Variants in SENP6 observed in about 807,000 individuals in gnomAD.
SENP6 encodes sentrin-specific protease 6.
In SENP6, 41 loss-of-function variants were observed where a neutral mutation model predicts 134.5. The ratio of observed to expected loss-of-function variants is 0.30; its 90% confidence interval spans 0.24 to 0.40. The LOEUF (loss-of-function observed/expected upper bound fraction) is 0.40. Ranked by LOEUF, SENP6 falls within the 10% of genes least tolerant of loss-of-function variation. The pLI is 1.00. For synonymous variants in SENP6, 395 were observed against 429.8 expected, an observed-to-expected ratio of 0.92 and a Z score of 1.00; for missense variants, 1,248 against 1,312.5, an observed-to-expected ratio of 0.95 and a Z score of 0.76.
intron 11 of SENP6, among the ~76,000 whole-genome samples, chr6:75,673,026 A>G (rs2149875182): frequency 6.6e-6 from 1 of 152,124 alleles, no homozygotes; most frequent in South Asian, 2.1e-4. Flanking sequence ...ACGGGGTTTC[A>G]CTGTGTTAGC....
At chr6:75,605,708 T>A (rs1385472667) in intron 1 of SENP6, among the ~76,000 whole-genome samples, 3 of 152,114 alleles carry the variant, frequency 2.0e-5, no homozygotes, top group Non-Finnish European at 1.5e-5. Flanking sequence ...TCATGCAGGA[T>A]CATGAATAAT....
chr6:75,692,745 T>C (rs1774365295), intron 16 of SENP6, among the ~76,000 whole-genome samples: 1 of 149,342 alleles, frequency 6.7e-6, no homozygotes, highest in Admixed American at 6.7e-5. Context: ...ATCCCACTCC[T>C]CCCTCACACC....
chr6:75,702,487 G>A (rs1204633083), intron 18 of SENP6, among the ~76,000 whole-genome samples, 158 bp from the exon 19 acceptor site: 2 of 151,964 alleles, frequency 1.3e-5, no homozygotes, highest in African/African-American at 4.8e-5. Flanking sequence ...CAAAGTGCTG[G>A]GATTACTGGC....
At chr6:75,608,401 G>A (rs1344247377) in intron 1 of SENP6, among the ~76,000 whole-genome samples, 1 of 152,028 alleles carries the variant, frequency 6.6e-6, no homozygotes, top group African/African-American at 2.4e-5. Flanking sequence ...CCAGGAGGTT[G>A]AGGCTGCAAT....
chr6:75,646,894 T>C (rs908919760), intron 6 of SENP6: 3 of 152,212 alleles, frequency 2.0e-5, no homozygotes, highest in African/African-American at 7.2e-5. Flanking sequence ...TTTTCTTTTG[T>C]TATTTTCATA....
At chr6:75,698,598 TA>T (rs569737421) in intron 18 of SENP6, among the ~76,000 whole-genome samples, 68 of 152,282 alleles carry the variant, frequency 4.5e-4, no homozygotes, top group African/African-American at 1.6e-3. Flanking sequence ...GCCTCCCAAG[TA>T]GCTGGGATTA....
rs370379424 is a variant in SENP6, at chr6:75,627,006, C to T, written c.207+3046C>T. Among the ~76,000 whole-genome samples the T allele has an allele frequency of 3.8e-4, 58 of 151,896 alleles. No individual in the cohort carries two copies. The Middle Eastern group carries it at 0.014, about 36-fold the overall frequency. On this transcript the variant is annotated intron_variant, in intron 3 of 23. Coordinates refer to ENST00000447266, the MANE Select transcript of SENP6 (RefSeq NM_015571.4). Reference sequence around the variant, plus strand: ...TTGAGACTGAGTCTCACTCTGTTGCCCAGGTTGGAGTGCATGGTGCGATAT... The same window carrying T: ...TTGAGACTGAGTCTCACTCTGTTGCTCAGGTTGGAGTGCATGGTGCGATAT...
chr6:75,607,466 G>T (rs563575762), intron 1 of SENP6, among the ~76,000 whole-genome samples: 3 of 151,932 alleles, frequency 2.0e-5, no homozygotes, highest in Admixed American at 2.0e-4. Flanking sequence ...TTTTCACTCT[G>T]GGGGCTCTAA....
chr6:75,704,845 C>A (rs1466586129), intron 19 of SENP6, among the ~76,000 whole-genome samples: 2 of 152,220 alleles, frequency 1.3e-5, no homozygotes, highest in East Asian at 3.9e-4. Flanking sequence ...ACCGAGCATA[C>A]TGCTTGTAAA....
At chr6:75,607,467 G>A (rs1767113217) in intron 1 of SENP6, among the ~76,000 whole-genome samples, 1 of 151,726 alleles carries the variant, frequency 6.6e-6, no homozygotes, top group Non-Finnish European at 1.5e-5. Flanking sequence ...TTTCACTCTG[G>A]GGGCTCTAAC....
Position 75,676,940 on chromosome 6 carries a change from C to T in SENP6, c.1622-90C>T, listed in dbSNP as rs190027477. ...CTTTATACTGGGATTTCTGATTATC[C>T]TCCTGGAAAGAATTAATAATTACTC... On this transcript the variant is annotated intron_variant, in intron 13 of 23. Transcript: ENST00000447266. 6.8e-5 allele frequency: 46 copies of T among 677,640 alleles called. 2 individuals are homozygous for T. Among genetic ancestry groups the T allele is most frequent in the Middle Eastern group, 8.2e-4 (2 of 2,436 alleles). The allele number at this position is 677,640 out of a possible 1,614,324, so 42.0% of individuals were successfully genotyped here.
intron 5 of SENP6, among the ~76,000 whole-genome samples, chr6:75,635,820 C>T (rs2149839103): frequency 6.6e-6 from 1 of 152,176 alleles, no homozygotes. Context: ...AAAGAGTAGA[C>T]ACATTCTTAT....
Position 75,697,473 on chromosome 6 carries a change from A to C in SENP6, c.2244A>C (p.Val748=). Residue 748 remains valine (V), a synonymous_variant, in exon 18 of 24, where the codon GTA becomes GTC. Transcript: ENST00000447266. The part of the protein sequence containing the change: ...HGRVKTWTRH[V]DIFEKDFIFV... ...GAGTAAAAACATGGACCCGGCACGT[A>C]GATATTTTTGAGAAGGATTTTATTT... is the stretch of plus-strand genomic sequence containing the variant. 1 of 1,613,706 alleles carries C rather than the reference A, an allele frequency of 6.2e-7. No individual in the cohort carries two copies. The highest frequency in any genetic ancestry group is 1.1e-5 in the South Asian group (1 of 91,046).
In SENP6 at chr6:75,602,529, C is replaced by T; in HGVS notation, c.5C>T (p.Ala2Val). 1 of 1,551,340 alleles carries T rather than the reference C, an allele frequency of 6.4e-7. No individual in the cohort carries two copies. Among genetic ancestry groups the T allele is most frequent in the Non-Finnish European group, 8.7e-7 (1 of 1,146,844 alleles). The change falls in exon 1 of 24, where the codon GCG (alanine) becomes GTG (valine). Residue 2 changes from alanine to valine, a missense_variant. Ala to Val is a moderately conservative substitution (Grantham distance 64). Coordinates refer to ENST00000447266, the MANE Select transcript of SENP6 (RefSeq NM_015571.4). The part of the protein sequence containing the change: M[A>V]AGKSGGSAGE... ...AGGCGGCGTGGGAGGAGGAAGATGGCGGCCGGCAAGAGCGGCGGTAGCGCA... is the reference window on the plus strand; with the variant it reads ...AGGCGGCGTGGGAGGAGGAAGATGGTGGCCGGCAAGAGCGGCGGTAGCGCA...
chr6:75,605,846 AG>A (rs1462958628), intron 1 of SENP6, among the ~76,000 whole-genome samples: 1 of 152,250 alleles, frequency 6.6e-6, no homozygotes, highest in African/African-American at 2.4e-5. Flanking sequence ...CAAGATTAAA[AG>A]CAAGACAATA....
chr6:75,628,714 TATC>T (rs1768884781), intron 3 of SENP6, among the ~76,000 whole-genome samples: 1 of 152,176 alleles, frequency 6.6e-6, no homozygotes, highest in Admixed American at 6.5e-5. Flanking sequence ...GCTATAGTAT[TATC>T]ATACAATTCT....
At chr6:75,625,943 A>T (rs553156885) in intron 3 of SENP6, among the ~76,000 whole-genome samples, 5 of 152,354 alleles carry the variant, frequency 3.3e-5, no homozygotes, top group Non-Finnish European at 7.4e-5. Flanking sequence ...GTTTCACAAT[A>T]GTAATACCAA....
At position 75,697,387 on chromosome 6, in the gene SENP6, A is replaced by G. The variant is rs778015537; in HGVS notation, c.2196-38A>G. On this transcript the variant is annotated intron_variant, in intron 17 of 23. Transcript: ENST00000447266. ...ACTACATATAAGCTGGAGCACTAGAAATATTTCAGAAGCTTATAATTTATC... is the reference window on the plus strand; with the variant it reads ...ACTACATATAAGCTGGAGCACTAGAGATATTTCAGAAGCTTATAATTTATC... 9 of 1,407,868 alleles carry G rather than the reference A, an allele frequency of 6.4e-6. 1 individual carries two copies. In the South Asian group the frequency reaches 1.1e-4, roughly 17 times the overall value. The allele number at this position is 1,407,868 out of a possible 1,614,324, so 87.2% of individuals were successfully genotyped here.
intron 5 of SENP6, among the ~76,000 whole-genome samples, chr6:75,640,448 GA>G (rs1320081823): frequency 2.0e-5 from 3 of 150,254 alleles, no homozygotes; most frequent in African/African-American, 7.3e-5. Flanking sequence ...GCCCTTTTAA[GA>G]TTTTTTTATA....
Sources: gnomAD v4.1 joint callset for allele counts (sites outside exome capture counted in the v4.1 genomes callset) on GRCh38, gnomAD v4.1.1 for gene constraint, MANE v1.5 for transcripts, NCBI Gene and HGNC (gene_info 2026-07-23, HGNC 2026-07-21) for gene names.